MACROD2: variants seen among roughly 807,000 people sequenced by gnomAD.
MACROD2 encodes the protein ADP-ribose glycohydrolase MACROD2.
A neutral mutation model predicts 70.4 loss-of-function variants in MACROD2; 36 were observed. That is an observed-to-expected ratio of 0.51 (90% CI 0.39 to 0.68). MACROD2 has a LOEUF of 0.68. MACROD2 is among the 30% of genes least tolerant of loss of function. MACROD2 has a pLI of 0.00. For synonymous variants in MACROD2, 172 were observed against 178.8 expected, an observed-to-expected ratio of 0.96 and a Z score of 0.30; for missense variants, 496 against 538.4, an observed-to-expected ratio of 0.92 and a Z score of 0.78.
chr20:14,128,414 A>T (rs898626249), intron 3 of MACROD2: 2 of 153,140 alleles, frequency 1.3e-5, no homozygotes, highest in Non-Finnish European at 2.9e-5. Context: ...GTACCTAAAA[A>T]AATAATAACA....
At chr20:14,028,175 C>T (rs1032593662) in intron 2 of MACROD2, among the ~76,000 whole-genome samples, 9 of 152,166 alleles carry the variant, frequency 5.9e-5, no homozygotes, top group East Asian at 1.9e-4. Context: ...CAGTGGACTC[C>T]GCCTAGTTTG....
intron 5 of MACROD2, among the ~76,000 whole-genome samples, chr20:14,692,371 T>C (rs190894218): frequency 1.3e-5 from 2 of 152,344 alleles, no homozygotes; most frequent in East Asian, 3.8e-4. Context: ...GACACGTTCT[T>C]CTTTTCCTTT....
At chr20:14,095,053 G>A (rs1215074867) in intron 3 of MACROD2, among the ~76,000 whole-genome samples, 1 of 152,070 alleles carries the variant, frequency 6.6e-6, no homozygotes, top group East Asian at 1.9e-4. Flanking sequence ...CATGCCAGAT[G>A]TTTCATCTCC....
At chr20:14,949,436 C>G (rs2074458284) in intron 5 of MACROD2, among the ~76,000 whole-genome samples, 1 of 152,042 alleles carries the variant, frequency 6.6e-6, no homozygotes, top group Admixed American at 6.6e-5. Context: ...ATTAAATTGC[C>G]TATAAATGTT....
intron 5 of MACROD2, among the ~76,000 whole-genome samples, chr20:15,072,786 A>T (rs2075628576): frequency 6.6e-6 from 1 of 152,148 alleles, no homozygotes; most frequent in African/African-American, 2.4e-5. Context: ...CACATCTAAA[A>T]AAGAATAAAT....
intron 8 of MACROD2, among the ~76,000 whole-genome samples, chr20:15,610,316 C>T (rs909890451): frequency 4.6e-5 from 7 of 152,140 alleles, no homozygotes; most frequent in Non-Finnish European, 8.8e-5. Flanking sequence ...GTTTAGGAGG[C>T]CAAAAGTTGA....
intron 4 of MACROD2, among the ~76,000 whole-genome samples, chr20:14,574,194 G>A (rs6079498): frequency 6.6e-6 from 1 of 152,116 alleles, no homozygotes; most frequent in Non-Finnish European, 1.5e-5. Context: ...TACCAGCTCA[G>A]GCTCTGTATC....
At chr20:15,263,303 T>C (rs1436694091) in intron 6 of MACROD2, among the ~76,000 whole-genome samples, 8 of 151,978 alleles carry the variant, frequency 5.3e-5, no homozygotes, top group Non-Finnish European at 5.9e-5. Flanking sequence ...TTCTGCAATG[T>C]TTGTTCTTGG....
rs1568841498 is a variant in MACROD2, at chr20:14,862,644, T to TATAAATATATATAAATATATATATATAA, written c.418+177688_418+177689insAATATATATAAATATATATATATAAATA. Among the ~76,000 whole-genome samples, 7 of 9,970 alleles carry TATAAATATATATAAATATATATATATAA rather than the reference T, an allele frequency of 7.0e-4. No homozygotes were observed. In the South Asian group the frequency reaches 0.023, roughly 33 times the overall value. The allele number at this position is 9,970 out of a possible 152,430, so 6.5% of individuals were successfully genotyped here. A position where few individuals can be genotyped will look rare whatever the true frequency, so the allele number is the denominator to read the frequency against. Reference sequence around the variant, plus strand: ...ATATATATATAAATATATATATAAATATATATATATAAATATATATATAAA... The same window carrying TATAAATATATATAAATATATATATATAA: ...ATATATATATAAATATATATATAAATATAAATATATATAAATATATATATATAAATATATATATAAATATATATATAAA... On this transcript the variant is annotated intron_variant, in intron 5 of 17. Coordinates refer to ENST00000684519, the MANE Select transcript of MACROD2 (RefSeq NM_001351661.2).
At chr20:15,865,984 T>C (rs977611487) in intron 9 of MACROD2, among the ~76,000 whole-genome samples, 3 of 151,908 alleles carry the variant, frequency 2.0e-5, no homozygotes, top group African/African-American at 7.3e-5. Context: ...AGTTGTGGAG[T>C]ATATTGGGTT....
intron 8 of MACROD2, among the ~76,000 whole-genome samples, chr20:15,592,178 T>A (rs1035052596): frequency 9.2e-5 from 14 of 152,200 alleles, no homozygotes; most frequent in African/African-American, 3.1e-4. Flanking sequence ...GGGATAATAA[T>A]AAGACCTCAT....
intron 8 of MACROD2, among the ~76,000 whole-genome samples, chr20:15,787,779 T>C (rs1217150561): frequency 6.6e-6 from 1 of 152,204 alleles, no homozygotes; most frequent in Non-Finnish European, 1.5e-5. Flanking sequence ...GGAAATGTTA[T>C]GTAAAATCTT....
intron 5 of MACROD2, among the ~76,000 whole-genome samples, chr20:15,131,481 C>A (rs1251490187): frequency 6.6e-6 from 1 of 151,988 alleles, no homozygotes; most frequent in African/African-American, 2.4e-5. Flanking sequence ...AATGATAAAA[C>A]AGGGGATTAC....
chr20:15,570,201 G>A (rs1421973486), intron 8 of MACROD2, among the ~76,000 whole-genome samples: 2 of 149,176 alleles, frequency 1.3e-5, no homozygotes, highest in Non-Finnish European at 2.9e-5. Context: ...GCCAACACTT[G>A]TTGTCTTTCA....
intron 5 of MACROD2, among the ~76,000 whole-genome samples, chr20:15,094,753 C>G (rs899292049): frequency 1.3e-5 from 2 of 151,882 alleles, no homozygotes; most frequent in Admixed American, 1.3e-4. Flanking sequence ...TTTCTTAAAA[C>G]TAAAACAAAA....
chr20:15,305,089 C>T (rs893199368), intron 6 of MACROD2, among the ~76,000 whole-genome samples: 17 of 152,192 alleles, frequency 1.1e-4, no homozygotes, highest in African/African-American at 3.4e-4. Context: ...CTACGTGACA[C>T]CTATGGGCAT....
chr20:14,757,721 C>T (rs1001808590), intron 5 of MACROD2: 24 of 1,517,680 alleles, frequency 1.6e-5, no homozygotes, highest in Admixed American at 1.3e-4. Flanking sequence ...TCTCAAGTCC[C>T]GAGGCTACGT....
chr20:15,643,574 T>A (rs1289352349), intron 8 of MACROD2, among the ~76,000 whole-genome samples: 1 of 152,242 alleles, frequency 6.6e-6, no homozygotes, highest in Non-Finnish European at 1.5e-5. Flanking sequence ...AGCCTTATAG[T>A]CTTATTCACC....
intron 7 of MACROD2, among the ~76,000 whole-genome samples, chr20:15,471,465 C>A (rs2046963554): frequency 6.6e-6 from 1 of 152,102 alleles, no homozygotes. Flanking sequence ...TCATTTTTTT[C>A]ATATGATAAC....
Sources: allele counts gnomAD v4.1 joint callset (sites outside exome capture counted in the v4.1 genomes callset), GRCh38; gene constraint gnomAD v4.1.1; transcripts MANE v1.5; gene names NCBI Gene and HGNC (gene_info 2026-07-23, HGNC 2026-07-21).